FBXL17: variants seen among roughly 807,000 people sequenced by gnomAD.
FBXL17 encodes the protein F-box and leucine rich repeat protein 17, also known as F-box/LRR-repeat protein 17.
A neutral mutation model predicts 66.2 loss-of-function variants in FBXL17; 22 were observed. The observed-to-expected ratio is 0.33, with a 90% CI of 0.24 to 0.47. FBXL17 has a LOEUF of 0.47. Among genes scored for constraint, FBXL17 ranks in the 20% least tolerant of loss-of-function variants. The pLI is 1.00. For synonymous variants in FBXL17, 474 were observed against 400.5 expected (o/e 1.18, Z -2.19); for missense variants, 878 against 948.2 (o/e 0.93, Z 0.97).
rs1754368188 is a variant in FBXL17 at position 108,015,914 on chromosome 5, C to A, written c.1822+5011G>T. Among the ~76,000 whole-genome samples, 5 of 149,764 alleles carry A rather than the reference C, an allele frequency of 3.3e-5. No homozygotes were observed. The South Asian group carries it at 1.0e-3, about 31-fold the overall frequency. ...CTCCCTGCTATTCTTGTCTGGAAAA[C>A]AAGATGCATTTTTTTTAATAAGCAG... On this transcript the variant is annotated intron_variant, in intron 7 of 8. Coordinates refer to ENST00000542267, the MANE Select transcript of FBXL17 (RefSeq NM_001163315.3).
chr5:107,991,815 C>A lies in FBXL17; in HGVS notation c.1822+29110G>T, dbSNP rs185455973. On this transcript the variant is annotated intron_variant, in intron 7 of 8. Coordinates refer to ENST00000542267, the MANE Select transcript of FBXL17 (RefSeq NM_001163315.3). ...GGTTTAATCTGCTCTTTTATAATAT[C>A]CTTTCATTAGCTTGGAAAATGAGGA... Among the ~76,000 whole-genome samples, 4 of 152,224 alleles carry A rather than the reference C, an allele frequency of 2.6e-5. No individual in the cohort carries two copies. In the East Asian group the frequency reaches 7.7e-4, roughly 29 times the overall value.
chr5:107,959,984 C>A (rs1751828238), intron 7 of FBXL17, among the ~76,000 whole-genome samples: 1 of 152,140 alleles, frequency 6.6e-6, no homozygotes, highest in Non-Finnish European at 1.5e-5. Flanking sequence ...TTCCTTCCCA[C>A]GTGACACAGA....
intron 2 of FBXL17, among the ~76,000 whole-genome samples, chr5:108,367,626 T>C (rs573220355): frequency 2.1e-4 from 32 of 152,202 alleles, no homozygotes; most frequent in African/African-American, 7.0e-4. Flanking sequence ...AAATTACCAA[T>C]CTACATGAAA....
intron 7 of FBXL17, among the ~76,000 whole-genome samples, chr5:107,890,868 ATT>A (rs1672684435): frequency 6.6e-6 from 1 of 152,134 alleles, no homozygotes; most frequent in Non-Finnish European, 1.5e-5. Context: ...GAGTGAATAG[ATT>A]ATCTTTTCTT....
At chr5:108,095,767 G>T (rs1388424181) in intron 6 of FBXL17, among the ~76,000 whole-genome samples, 3 of 152,028 alleles carry the variant, frequency 2.0e-5, no homozygotes, top group Non-Finnish European at 2.9e-5. Context: ...ATCATTCACA[G>T]AGTTTTCAAC....
At chr5:108,172,492 T>C (rs1012816789) in intron 6 of FBXL17, among the ~76,000 whole-genome samples, 8 of 152,210 alleles carry the variant, frequency 5.3e-5, no homozygotes, top group Admixed American at 2.6e-4. Flanking sequence ...ACATCTTCTA[T>C]CTTCTACAAA....
chr5:108,250,134 A>C (rs577568436), intron 4 of FBXL17, among the ~76,000 whole-genome samples: 6 of 152,156 alleles, frequency 3.9e-5, no homozygotes, highest in Non-Finnish European at 8.8e-5. Context: ...TGCAACTGCT[A>C]CCAATCAATT....
At chr5:108,192,190 A>C (rs544827844) in intron 5 of FBXL17, among the ~76,000 whole-genome samples, 1 of 152,328 alleles carries the variant, frequency 6.6e-6, no homozygotes, top group African/African-American at 2.4e-5. Context: ...AATCCTTCAT[A>C]GTCTCAAACA....
At chr5:108,062,207 A>G (rs1747950576) in intron 6 of FBXL17, among the ~76,000 whole-genome samples, 2 of 152,048 alleles carry the variant, frequency 1.3e-5, no homozygotes, top group Admixed American at 6.6e-5. Context: ...AATGAGCTAC[A>G]AGCAGAAGGT....
At chr5:107,958,582 T>C (rs1358486803) in intron 7 of FBXL17, among the ~76,000 whole-genome samples, 2 of 152,238 alleles carry the variant, frequency 1.3e-5, no homozygotes, top group African/African-American at 2.4e-5. Context: ...GTTTAATCTA[T>C]AGATAGCTCT....
At chr5:108,231,710 TAAG>T (rs1755348703) in intron 4 of FBXL17, among the ~76,000 whole-genome samples, 1 of 151,990 alleles carries the variant, frequency 6.6e-6, no homozygotes, top group Non-Finnish European at 1.5e-5. Flanking sequence ...GTCAACAGGC[TAAG>T]AAGGGGGTTA....
chr5:107,879,861 C>T, intron 8 of FBXL17: 3 of 985,436 alleles, frequency 3.0e-6, no homozygotes, highest in Non-Finnish European at 3.6e-6. Context: ...CAGACTGCCC[C>T]CTGGGTTGTG....
At chr5:108,310,549 A>G (rs1173964562) in intron 4 of FBXL17, among the ~76,000 whole-genome samples, 1 of 152,222 alleles carries the variant, frequency 6.6e-6, no homozygotes, top group African/African-American at 2.4e-5. Context: ...AGCTGTGGAT[A>G]CAACATATAT....
At chr5:107,917,340 A>T (rs144766972) in intron 7 of FBXL17, among the ~76,000 whole-genome samples, 1 of 152,306 alleles carries the variant, frequency 6.6e-6, no homozygotes, top group East Asian at 1.9e-4. Context: ...CCTAAGAATG[A>T]AATAATATCA....
In FBXL17 at chr5:108,273,441, TAAAGAACAAAAC is replaced by T. The variant is rs796813965; in HGVS notation, c.1507-49225_1507-49214del. On this transcript the variant is annotated intron_variant, in intron 4 of 8. Transcript: ENST00000542267. ...TTACTGGAAAGTATACATAAAAGTT[TAAAGAACAAAAC>T]AAATGCAGAAAAAAAATGCAATATT... 5.3e-5 allele frequency among the ~76,000 whole-genome samples: 8 copies of T among 151,932 alleles called. No homozygotes were observed. The South Asian group carries it at 1.7e-3, about 32-fold the overall frequency.
intron 7 of FBXL17, among the ~76,000 whole-genome samples, chr5:108,008,085 T>G (rs1754008300): frequency 6.6e-6 from 1 of 152,146 alleles, no homozygotes; most frequent in Admixed American, 6.6e-5. Flanking sequence ...ATAACAATAA[T>G]ACACTTCACA....
At chr5:107,924,560 G>A (rs1297214067) in intron 7 of FBXL17, among the ~76,000 whole-genome samples, 1 of 152,148 alleles carries the variant, frequency 6.6e-6, no homozygotes, top group African/African-American at 2.4e-5. Context: ...AAACTTTAAA[G>A]AAGACAAGGT....
intron 5 of FBXL17, among the ~76,000 whole-genome samples, chr5:108,190,527 C>G (rs1379796399): frequency 6.6e-6 from 1 of 152,172 alleles, no homozygotes; most frequent in African/African-American, 2.4e-5. Flanking sequence ...GGCTTTTACT[C>G]AATTCATACT....
At chr5:108,232,315 G>A (rs1284706694) in intron 4 of FBXL17, among the ~76,000 whole-genome samples, 2 of 152,070 alleles carry the variant, frequency 1.3e-5, no homozygotes, top group Non-Finnish European at 2.9e-5. Flanking sequence ...ATTAAGTTAG[G>A]TGTAATTATG....
Sources: allele counts gnomAD v4.1 joint callset (sites outside exome capture counted in the v4.1 genomes callset), GRCh38; gene constraint gnomAD v4.1.1; transcripts MANE v1.5; gene names NCBI Gene and HGNC (gene_info 2026-07-23, HGNC 2026-07-21).